Variants in WDPCP observed in about 807,000 individuals in gnomAD.
WDPCP encodes the protein WD repeat containing planar cell polarity effector, also known as WD repeat-containing and planar cell polarity effector protein fritz homolog.
Under a neutral mutation model 93.1 loss-of-function variants are expected in WDPCP, and 71 were observed. The ratio of observed to expected loss-of-function variants is 0.76; its 90% CI spans 0.63 to 0.93. The LOEUF is 0.93. Ranked by LOEUF, WDPCP falls within the 40% of genes least tolerant of loss-of-function variation. The probability of loss-of-function intolerance (pLI) is 0.00; values close to 1 mark genes in which losing one functional copy is unlikely to be tolerated. For missense variants in WDPCP, 844 were observed against 887.4 expected (o/e 0.95, Z 0.62); for synonymous variants, 315 against 315.0 (o/e 1.00, Z 0.00).
chr2:63,153,794 A>C (rs1156569288), intron 15 of WDPCP, among the ~76,000 whole-genome samples: 2 of 151,986 alleles, frequency 1.3e-5, no homozygotes, highest in Non-Finnish European at 2.9e-5. Flanking sequence ...TCCACCATTA[A>C]ATATTTTACC....
chr2:63,236,721 A>G (rs759457651), intron 14 of WDPCP, among the ~76,000 whole-genome samples: 3 of 152,168 alleles, frequency 2.0e-5, no homozygotes, highest in Non-Finnish European at 4.4e-5. Context: ...AAAAATAAGC[A>G]ATGGGGAAAG....
chr2:63,291,977 C>CA (rs1559289282), intron 13 of WDPCP, among the ~76,000 whole-genome samples: 2 of 150,610 alleles, frequency 1.3e-5, no homozygotes, highest in Non-Finnish European at 3.0e-5. Context: ...ACTAAAAATA[C>CA]AAAAAATTAG....
At chr2:63,306,938 G>C (rs904358079) in intron 13 of WDPCP, among the ~76,000 whole-genome samples, 21 of 152,188 alleles carry the variant, frequency 1.4e-4, no homozygotes, top group Admixed American at 1.3e-3. Context: ...AATAGGAAGA[G>C]AGGAAGTTAA....
chr2:63,314,679 T>C (rs1686494820), intron 12 of WDPCP, among the ~76,000 whole-genome samples: 1 of 152,140 alleles, frequency 6.6e-6, no homozygotes, highest in South Asian at 2.1e-4. Flanking sequence ...TATTCTATGA[T>C]CCTCTTTTAT....
chr2:63,143,685 G>T (rs1671260798), intron 17 of WDPCP, among the ~76,000 whole-genome samples: 1 of 152,134 alleles, frequency 6.6e-6, no homozygotes, highest in Non-Finnish European at 1.5e-5. Flanking sequence ...CTATATCTTT[G>T]CTTCATACAT....
At chr2:63,726,479 G>A (rs553866309) in intron 2 of WDPCP, among the ~76,000 whole-genome samples, 2 of 152,158 alleles carry the variant, frequency 1.3e-5, no homozygotes, top group East Asian at 3.8e-4. Context: ...GTCAGGTAGT[G>A]TGATGCTTCT....
chr2:63,266,709 G>A (rs1682151517), intron 13 of WDPCP, among the ~76,000 whole-genome samples: 1 of 152,136 alleles, frequency 6.6e-6, no homozygotes, highest in African/African-American at 2.4e-5. Context: ...AGGAGGCTGA[G>A]GCAGGAGAAT....
chr2:63,823,943 G>A (rs920610179), intron 1 of WDPCP, among the ~76,000 whole-genome samples: 6 of 152,018 alleles, frequency 3.9e-5, no homozygotes, highest in African/African-American at 7.2e-5. Context: ...GGAGGCTAAG[G>A]CAGGAGGGTT....
chr2:63,198,554 G>A (rs892388889), intron 14 of WDPCP, among the ~76,000 whole-genome samples: 2 of 152,194 alleles, frequency 1.3e-5, no homozygotes, highest in Non-Finnish European at 2.9e-5. Context: ...GGATCATGGA[G>A]GCAGATTTTG....
At chr2:63,475,611 A>G (rs1699929705) in intron 6 of WDPCP, among the ~76,000 whole-genome samples, 1 of 152,108 alleles carries the variant, frequency 6.6e-6, no homozygotes, top group South Asian at 2.1e-4. Context: ...ATGCCTGTTG[A>G]TAGAGAGCTT....
intron 14 of WDPCP, among the ~76,000 whole-genome samples, chr2:63,184,669 G>C (rs1345746714): frequency 6.6e-6 from 1 of 151,932 alleles, no homozygotes; most frequent in Non-Finnish European, 1.5e-5. Context: ...ATTAATTTTA[G>C]ACAATTTAAT....
intron 5 of WDPCP, 126 bp from the exon 6 acceptor site, chr2:63,484,789 C>T: frequency 1.3e-6 from 2 of 1,492,306 alleles, no homozygotes; most frequent in Non-Finnish European, 1.8e-6. Context: ...TGTTTTGGAA[C>T]TCATCACTGG....
chr2:63,731,943 T>C (rs1669567418), intron 2 of WDPCP, among the ~76,000 whole-genome samples: 2 of 152,206 alleles, frequency 1.3e-5, no homozygotes. Flanking sequence ...ATTTTCTCTG[T>C]AAGACTATGA....
intron 13 of WDPCP, among the ~76,000 whole-genome samples, chr2:63,308,036 A>G (rs1429871242): frequency 6.6e-6 from 1 of 152,188 alleles, no homozygotes; most frequent in African/African-American, 2.4e-5. Flanking sequence ...AAGAACTTAA[A>G]CAAATGTACA....
At chr2:63,571,128 G>C (rs1707465119) in intron 1 of WDPCP, among the ~76,000 whole-genome samples, 1 of 151,924 alleles carries the variant, frequency 6.6e-6, no homozygotes, top group Middle Eastern at 3.4e-3. Context: ...AGCCAGTATG[G>C]TCTCGATCTC....
chr2:63,623,939 AC>A (rs565452883), intron 3 of WDPCP, among the ~76,000 whole-genome samples: 26 of 152,292 alleles, frequency 1.7e-4, no homozygotes, highest in African/African-American at 6.0e-4. Context: ...TGGAAGTGAA[AC>A]ACTCCTCAGC....
At chr2:63,556,263 T>G (rs1706114484) in intron 1 of WDPCP, among the ~76,000 whole-genome samples, 1 of 152,106 alleles carries the variant, frequency 6.6e-6, no homozygotes, top group Non-Finnish European at 1.5e-5. Flanking sequence ...TTGAAGACTA[T>G]CTTGCTGAAA....
rs1007499213 is a variant in WDPCP, at chr2:63,576,834, G to C, written c.75+11363C>G. Among the ~76,000 whole-genome samples the C allele has an allele frequency of 2.0e-5, 3 of 152,082 alleles. No homozygotes were observed. In the East Asian group the frequency reaches 5.8e-4, roughly 29 times the overall value. On this transcript the variant is annotated intron_variant, in intron 1 of 17. Coordinates refer to ENST00000272321, the MANE Select transcript of WDPCP (RefSeq NM_015910.7). ...TGGGTTGTTGTGTGCCAGGAACCAG[G>C]GGCAGAGACCAAATATATACTTCTA...
intron 2 of WDPCP, among the ~76,000 whole-genome samples, chr2:63,694,228 T>C (rs534614001): frequency 1.3e-5 from 2 of 152,270 alleles, no homozygotes; most frequent in African/African-American, 4.8e-5. Context: ...AGATCAATGA[T>C]TGGTGAAGTG....
Sources: allele counts gnomAD v4.1 joint callset (sites outside exome capture counted in the v4.1 genomes callset), GRCh38; gene constraint gnomAD v4.1.1; transcripts MANE v1.5; gene names NCBI Gene and HGNC (gene_info 2026-07-23, HGNC 2026-07-21).